ASF1B: variants seen among roughly 807,000 people sequenced by gnomAD.
ASF1B encodes the protein histone chaperone ASF1B.
ASF1B carries 10 observed loss-of-function variants against 16.6 expected under a neutral mutation model. The observed-to-expected ratio is 0.60, with a 90% CI of 0.37 to 1.02. The LOEUF (loss-of-function observed/expected upper bound fraction) is 1.02, where lower values mean the gene tolerates loss of function less well. Among genes scored for constraint, ASF1B ranks in the 50% least tolerant of loss-of-function variants. ASF1B has a pLI of 0.01. For missense variants in ASF1B, 240 were observed against 266.0 expected (o/e 0.90, Z 0.68); for synonymous variants, 101 against 106.2 (o/e 0.95, Z 0.30).
Position 14,126,222 on chromosome 19 carries a change from A to G in ASF1B, c.125T>C (p.Ile42Thr). The G allele has an allele frequency of 6.2e-7, 1 of 1,612,796 alleles. No individual in the cohort carries two copies. The highest frequency in any genetic ancestry group is 8.5e-7 in the Non-Finnish European group (1 of 1,179,830). ...EALADDLEWK[I>T]IYVGSAESEE... ...ACTCTCAGCCGAGCCAACATAAATGATCTTCCACTCCAGGTCTGCAAAGAT... is the reference window on the plus strand; with the variant it reads ...ACTCTCAGCCGAGCCAACATAAATGGTCTTCCACTCCAGGTCTGCAAAGAT... The change falls in exon 2 of 4, where the codon ATC becomes ACC. Residue 42 changes from isoleucine to threonine, a missense_variant. By Grantham distance (89) the Ile-to-Thr change is moderately conservative. Transcript: ENST00000263382.
At chr19:14,123,378 CTTTTTTTTT>C in intron 2 of ASF1B, among the ~76,000 whole-genome samples, 1 of 119,784 alleles carries the variant, frequency 8.3e-6, no homozygotes, top group East Asian at 2.3e-4. Context: ...TTTCTTTCTT[CTTTTTTTTT>C]TTTTTTTTTT....
intron 2 of ASF1B, among the ~76,000 whole-genome samples, chr19:14,124,147 A>C (rs890832045): frequency 4.0e-5 from 6 of 151,800 alleles, no homozygotes; most frequent in Non-Finnish European, 8.8e-5. Flanking sequence ...GGCCTGCATC[A>C]CTATGCCTGG....
At position 14,136,254 on chromosome 19, in the gene ASF1B, C is replaced by T; in HGVS notation, c.109+94G>A. On this transcript the variant is annotated intron_variant, in intron 1 of 3. Transcript: ENST00000263382. ...TTGGCGGAAGGGGGACGAGGGGTTT[C>T]ATGGGGGAGATCAAGTTGGCCATGG... is the stretch of plus-strand genomic sequence containing the variant. 2.9e-6 allele frequency: 3 copies of T among 1,019,942 alleles called. 1 individual carries two copies. In the East Asian group the frequency reaches 8.0e-5, roughly 27 times the overall value. The allele number at this position is 1,019,942 out of a possible 1,614,324, so 63.2% of individuals were successfully genotyped here.
chr19:14,136,309 G>C, intron 1 of ASF1B, 39 bp downstream of exon 1: 1 of 1,576,390 alleles, frequency 6.3e-7, no homozygotes, highest in Non-Finnish European at 8.7e-7. Context: ...GGCCGGGGTC[G>C]GCCCGGGGGT....
At chr19:14,134,435 G>A (rs191154026) in intron 1 of ASF1B, among the ~76,000 whole-genome samples, 1 of 151,992 alleles carries the variant, frequency 6.6e-6, no homozygotes, top group Non-Finnish European at 1.5e-5. Flanking sequence ...TAGTCCAGGC[G>A]ACCAGCTTTG....
rs189606709 is a variant in ASF1B, at chr19:14,128,835, G to A, written c.110-2598C>T. ...GAAGACAGAAAAGCCAGCCAGCCCT[G>A]CTCTCTCCTTTCTAAAGCAGTTGTA... On this transcript the variant is annotated intron_variant, in intron 1 of 3. Transcript: ENST00000263382. 4.6e-5 allele frequency among the ~76,000 whole-genome samples: 7 copies of A among 152,282 alleles called. No individual in the cohort carries two copies. In the East Asian group the frequency reaches 1.4e-3, roughly 29 times the overall value.
rs1162807311 is a variant in ASF1B at position 14,119,586 on chromosome 19, A to C, written c.*873T>G. The C allele has an allele frequency of 6.5e-6, 1 of 152,694 alleles. No individual in the cohort carries two copies. Among genetic ancestry groups the C allele is most frequent in the African/African-American group, 2.4e-5 (1 of 41,462 alleles). 9.5% of individuals were successfully genotyped at this position (152,694 alleles called of 1,614,324 possible). On this transcript the variant is annotated 3_prime_UTR_variant, in exon 4 of 4. Coordinates refer to ENST00000263382, the MANE Select transcript of ASF1B (RefSeq NM_018154.3). ...AACATTTTGATAATATACAAACAGC[A>C]ATCACAACAGCATCCACATGGCAGC...
chr19:14,126,557 T>G (rs1568544751), intron 1 of ASF1B, among the ~76,000 whole-genome samples: 1 of 152,094 alleles, frequency 6.6e-6, no homozygotes, highest in Non-Finnish European at 1.5e-5. Flanking sequence ...CTGCAATCTC[T>G]GCCTCCCAGG....
chr19:14,129,480 C>T (rs1156304530), intron 1 of ASF1B, among the ~76,000 whole-genome samples: 1 of 151,540 alleles, frequency 6.6e-6, no homozygotes, highest in Non-Finnish European at 1.5e-5. Flanking sequence ...AGTTCGAGAC[C>T]AACCTGGGCA....
In ASF1B at chr19:14,136,507, AG is replaced by A; in HGVS notation, c.-52del. 6.4e-7 allele frequency: 1 copy of A among 1,562,226 alleles called. No individual in the cohort carries two copies. Among genetic ancestry groups the A allele is most frequent in the South Asian group, 1.1e-5 (1 of 87,456 alleles). ...GGGGCAGGGGCTGTGGCTGTGGCGG[AG>A]GCCGCGCCTGGGTCCGGTGGGGTCA... On this transcript the variant is annotated 5_prime_UTR_variant, in exon 1 of 4. Transcript: ENST00000263382.
chr19:14,124,870 G>A (rs1967295035), intron 2 of ASF1B, among the ~76,000 whole-genome samples: 1 of 152,210 alleles, frequency 6.6e-6, no homozygotes, highest in Non-Finnish European at 1.5e-5. Context: ...AAGGCTTTAT[G>A]GAAAATATGC....
chr19:14,127,039 G>A (rs1287657017), intron 1 of ASF1B, among the ~76,000 whole-genome samples: 6 of 152,240 alleles, frequency 3.9e-5, no homozygotes, highest in South Asian at 4.1e-4. Context: ...CTCCTGCCTC[G>A]GACTCCCACC....
In ASF1B at chr19:14,120,216, AAG is replaced by A. The variant is rs1188834117; in HGVS notation, c.*241_*242del. 2.8e-5 allele frequency: 14 copies of A among 498,476 alleles called. No homozygotes were observed. The East Asian group carries it at 4.8e-4, about 17-fold the overall frequency. The allele number at this position is 498,476 out of a possible 1,614,324, so 30.9% of individuals were successfully genotyped here. On this transcript the variant is annotated 3_prime_UTR_variant, in exon 4 of 4. Coordinates refer to ENST00000263382, the MANE Select transcript of ASF1B (RefSeq NM_018154.3). ...CTTAGTTAGAATTTATGAAGACGAA[AAG>A]AACACAAGTCAGAATTTAGAACTGA...
chr19:14,136,466 TCGCCG>T lies in ASF1B; in HGVS notation c.-15_-11del. ...CCGACACCTTGGCCATCGCCTCGCC[TCGCCG>T]CGCCGCAGCAGGGGCAGGGGCTGTG... On this transcript the variant is annotated 5_prime_UTR_variant, in exon 1 of 4. Transcript: ENST00000263382. 3.1e-6 allele frequency: 5 copies of T among 1,610,992 alleles called. No homozygotes were observed. The highest frequency in any genetic ancestry group is 2.5e-6 in the Non-Finnish European group (3 of 1,178,134).
chr19:14,136,324 GT>G, intron 1 of ASF1B, 23 bp downstream of exon 1: 1 of 1,599,716 alleles, frequency 6.3e-7, no homozygotes, highest in Non-Finnish European at 8.5e-7. Context: ...GGGGGTGGGG[GT>G]CCCCGCACAG....
In ASF1B at chr19:14,126,177, AG is replaced by A; in HGVS notation, c.169del (p.Leu57Ter). 1 of 1,613,026 alleles carries A rather than the reference AG, an allele frequency of 6.2e-7. No individual in the cohort carries two copies. The highest frequency in any genetic ancestry group is 8.5e-7 in the Non-Finnish European group (1 of 1,179,688). ...SAESEEFDQI[L>X]DSVLVGPVPA... The stretch of plus-strand genomic sequence containing the variant: ...CACAGGGCCCACCAGCACCGAGTCT[AG>A]GATCTGATCAAATTCCTCACTCTCA... On this transcript the variant is annotated frameshift_variant, in exon 2 of 4. Coordinates refer to ENST00000263382, the MANE Select transcript of ASF1B (RefSeq NM_018154.3). LOFTEE classifies it high-confidence loss of function.
chr19:14,122,377 T>C (rs1967253095), intron 2 of ASF1B, among the ~76,000 whole-genome samples: 1 of 151,312 alleles, frequency 6.6e-6, no homozygotes, highest in South Asian at 2.1e-4. Flanking sequence ...TTTTTTTTTT[T>C]TTACACAGGG....
At chr19:14,131,960 G>A (rs966408380) in intron 1 of ASF1B, among the ~76,000 whole-genome samples, 6 of 151,858 alleles carry the variant, frequency 4.0e-5, no homozygotes, top group African/African-American at 1.5e-4. Flanking sequence ...AGATAAAAGT[G>A]CAAAGGGGGC....
At chr19:14,128,345 C>A (rs1251592992) in intron 1 of ASF1B, among the ~76,000 whole-genome samples, 2 of 152,212 alleles carry the variant, frequency 1.3e-5, no homozygotes, top group African/African-American at 2.4e-5. Flanking sequence ...CCATGCCCTT[C>A]TTTGATGCAC....
Sources: allele counts gnomAD v4.1 joint callset (sites outside exome capture counted in the v4.1 genomes callset), GRCh38; gene constraint gnomAD v4.1.1; transcripts MANE v1.5; gene names NCBI Gene and HGNC (gene_info 2026-07-23, HGNC 2026-07-21).